MCC: variants seen among roughly 807,000 people sequenced by gnomAD.
The protein encoded by MCC is colorectal mutant cancer protein.
Under a neutral mutation model 116.2 loss-of-function variants are expected in MCC, and 90 were observed. The observed-to-expected ratio is 0.77, with a 90% CI of 0.65 to 0.92. The LOEUF is 0.92. Ranked by LOEUF, MCC falls within the 40% of genes least tolerant of loss-of-function variation. The pLI, the probability that MCC is intolerant of heterozygous loss-of-function variation, is 0.00. For missense variants in MCC, 1,516 were observed against 1,312.2 expected (o/e 1.16, Z -2.40); for synonymous variants, 578 against 510.5 (o/e 1.13, Z -1.78).
At position 113,082,778 on chromosome 5, in the gene MCC, C is replaced by T. The variant is rs929689946; in HGVS notation, c.1784+82G>A. 3.2e-6 allele frequency: 5 copies of T among 1,546,264 alleles called. 1 individual carries two copies. In the South Asian group the frequency reaches 5.0e-5, roughly 15 times the overall value. Reference sequence around the variant, plus strand: ...CTCTATGTCACAATACATAAGCCACCTTGAACAGATCTTTGGAAAGAGAAG... The same window carrying T: ...CTCTATGTCACAATACATAAGCCACTTTGAACAGATCTTTGGAAAGAGAAG... On this transcript the variant is annotated intron_variant, in intron 11 of 18. Coordinates refer to ENST00000408903, the MANE Select transcript of MCC (RefSeq NM_001085377.2).
At chr5:113,445,723 T>C (rs1267270903) in intron 1 of MCC, among the ~76,000 whole-genome samples, 1 of 152,106 alleles carries the variant, frequency 6.6e-6, no homozygotes, top group Admixed American at 6.5e-5. Flanking sequence ...ATCAATGTTG[T>C]TTTTCACAGA....
chr5:113,462,665 G>A (rs928245119), intron 1 of MCC, among the ~76,000 whole-genome samples: 2 of 152,246 alleles, frequency 1.3e-5, no homozygotes, highest in African/African-American at 4.8e-5. Context: ...AACTTTTTAT[G>A]TTCATGAAAA....
In MCC at chr5:113,456,623, A is replaced by ATTTTTTTTTTTTTTTTTT. The variant is rs34111159; in HGVS notation, c.170+31604_170+31621dup. Among the ~76,000 whole-genome samples, 36 of 51,074 alleles carry ATTTTTTTTTTTTTTTTTT rather than the reference A, an allele frequency of 7.0e-4. 2 individuals are homozygous for ATTTTTTTTTTTTTTTTTT. The highest frequency in any genetic ancestry group is 4.9e-3 in the South Asian group (4 of 822). The allele number at this position is 51,074 out of a possible 152,430, so 33.5% of individuals were successfully genotyped here. A position where few individuals can be genotyped will look rare whatever the true frequency, so the allele number is the denominator to read the frequency against. On this transcript the variant is annotated intron_variant, in intron 1 of 18. Transcript: ENST00000408903. ...AGTCACCCGCCACCATGCCCAGCTA[A>ATTTTTTTTTTTTTTTTTT]TTTTTTTTTTTTTTTTTTTTTTTTT...
chr5:113,030,624 G>C (rs1253929644), intron 17 of MCC, among the ~76,000 whole-genome samples: 1 of 152,170 alleles, frequency 6.6e-6, no homozygotes, highest in South Asian at 2.1e-4. Context: ...AGACCAGTGA[G>C]CCATGATCCT....
At chr5:113,142,775 T>C (rs1396359879) in intron 5 of MCC, among the ~76,000 whole-genome samples, 1 of 152,214 alleles carries the variant, frequency 6.6e-6, no homozygotes, top group Non-Finnish European at 1.5e-5. Context: ...GCTACATTCA[T>C]AAATCTCTCA....
intron 3 of MCC, among the ~76,000 whole-genome samples, chr5:113,278,686 G>A (rs184326674): frequency 1.3e-5 from 2 of 152,304 alleles, no homozygotes; most frequent in South Asian, 2.1e-4. Context: ...GAAATCAGCG[G>A]TGTTGGCTGG....
chr5:113,039,291 C>A (rs568034621), intron 17 of MCC, among the ~76,000 whole-genome samples: 217 of 152,326 alleles, frequency 1.4e-3, no homozygotes, highest in African/African-American at 4.9e-3. Context: ...TCCAGGGATG[C>A]TCCTGCCTTG....
At chr5:113,453,132 G>A (rs899315675) in intron 1 of MCC, among the ~76,000 whole-genome samples, 3 of 152,156 alleles carry the variant, frequency 2.0e-5, no homozygotes, top group African/African-American at 7.2e-5. Flanking sequence ...GTCTTATTGA[G>A]TTTTCCAGCG....
intron 17 of MCC, among the ~76,000 whole-genome samples, chr5:113,036,059 G>T (rs542629122): frequency 9.7e-4 from 95 of 98,132 alleles, no homozygotes; most frequent in Middle Eastern, 0.012. Context: ...TTTTTGAGAT[G>T]GAGTCTCACT....
chr5:113,135,255 G>T (rs1452214278), intron 5 of MCC, among the ~76,000 whole-genome samples: 1 of 146,426 alleles, frequency 6.8e-6, no homozygotes, highest in South Asian at 2.4e-4. Context: ...TACTTCTTTG[G>T]TTAAATTTAT....
At chr5:113,075,037 G>T (rs143892362) in intron 11 of MCC, among the ~76,000 whole-genome samples, 8 of 152,328 alleles carry the variant, frequency 5.3e-5, no homozygotes, top group Non-Finnish European at 1.0e-4. Flanking sequence ...AGCTCCCTCT[G>T]CTTGATGGGA....
At chr5:113,241,657 T>C (rs1229796758) in intron 3 of MCC, among the ~76,000 whole-genome samples, 9 of 152,224 alleles carry the variant, frequency 5.9e-5, no homozygotes, top group Non-Finnish European at 1.0e-4. Context: ...CTCTGTGATA[T>C]GAAGACCACA....
intron 1 of MCC, among the ~76,000 whole-genome samples, chr5:113,466,609 G>C (rs1395277012): frequency 6.6e-6 from 1 of 152,020 alleles, no homozygotes; most frequent in African/African-American, 2.4e-5. Flanking sequence ...TTGGTTCCAA[G>C]TCTTTGCTAT....
intron 6 of MCC, among the ~76,000 whole-genome samples, chr5:113,107,143 C>T (rs1756784711): frequency 6.6e-6 from 1 of 151,550 alleles, no homozygotes; most frequent in South Asian, 2.1e-4. Context: ...CAAAGAGAAA[C>T]ACCACATCAT....
chr5:113,303,456 T>C (rs1345337827), intron 3 of MCC, among the ~76,000 whole-genome samples: 1 of 152,116 alleles, frequency 6.6e-6, no homozygotes, highest in Non-Finnish European at 1.5e-5. Context: ...AACTGAAAAC[T>C]GTATCATGTT....
intron 2 of MCC, among the ~76,000 whole-genome samples, chr5:113,363,227 A>G (rs941141209): frequency 6.6e-6 from 1 of 152,230 alleles, no homozygotes; most frequent in African/African-American, 2.4e-5. Context: ...CAGTGAGCCG[A>G]GATCACGCCA....
chr5:113,158,555 T>C (rs1760303044), intron 3 of MCC, among the ~76,000 whole-genome samples: 1 of 152,202 alleles, frequency 6.6e-6, no homozygotes, highest in Admixed American at 6.5e-5. Context: ...ATATTAATAG[T>C]TACCGTTTGC....
intron 8 of MCC, among the ~76,000 whole-genome samples, chr5:113,088,201 G>T (rs575254461): frequency 8.5e-5 from 13 of 152,242 alleles, no homozygotes; most frequent in Admixed American, 3.3e-4. Context: ...CAGTGTGCCT[G>T]TCAGGGAAAG....
rs377213207 is a variant in MCC, at chr5:113,289,487, C to G, written c.627+51032G>C. Among the ~76,000 whole-genome samples the G allele has an allele frequency of 8.5e-5, 13 of 152,166 alleles. No individual in the cohort carries two copies. The South Asian group carries it at 2.3e-3, about 27-fold the overall frequency. On this transcript the variant is annotated intron_variant, in intron 3 of 18. Transcript: ENST00000408903. ...TTCTACTTACTTCTTTAACCTTAAT[C>G]TAGGCTGGGAAAACAGCTGTTTTGA...
Sources: allele counts gnomAD v4.1 joint callset (sites outside exome capture counted in the v4.1 genomes callset), GRCh38; gene constraint gnomAD v4.1.1; transcripts MANE v1.5; gene names NCBI Gene and HGNC (gene_info 2026-07-23, HGNC 2026-07-21).